Variants in HAVCR2 observed in about 807,000 individuals in gnomAD.
HAVCR2 encodes T cell immunoglobulin mucin 3.
In HAVCR2, 13 loss-of-function variants were observed where a neutral mutation model predicts 24.7. That is an observed-to-expected ratio of 0.53 (90% CI 0.34 to 0.84). HAVCR2 has a LOEUF of 0.84. Among genes scored for constraint, HAVCR2 ranks in the 40% least tolerant of loss-of-function variants. The pLI, the probability that HAVCR2 is intolerant of heterozygous loss-of-function variation, is 0.01. For synonymous variants in HAVCR2, 154 were observed against 143.4 expected (o/e 1.07, Z -0.53); for missense variants, 343 against 371.2 (o/e 0.92, Z 0.62).
chr5:157,102,261 A>G (rs1309529989), intron 3 of HAVCR2, among the ~76,000 whole-genome samples: 1 of 151,266 alleles, frequency 6.6e-6, no homozygotes, highest in Non-Finnish European at 1.5e-5. Context: ...CTTAGTAGAG[A>G]TGGGGTTTTG....
At chr5:157,107,464 G>A (rs1047424425) in intron 1 of HAVCR2, among the ~76,000 whole-genome samples, 1 of 152,156 alleles carries the variant, frequency 6.6e-6, no homozygotes, top group Admixed American at 6.5e-5. Context: ...AGCAGCAAGT[G>A]CACAGTAAAT....
At chr5:157,106,555 A>G (rs754458623) in intron 2 of HAVCR2, 72 bp downstream of exon 2, 14 of 1,330,470 alleles carry the variant, frequency 1.1e-5, no homozygotes, top group Non-Finnish European at 1.3e-5. Flanking sequence ...CAGAGATGAG[A>G]ACAATCAGTA....
chr5:157,108,848 A>G, intron 1 of HAVCR2, 78 bp downstream of exon 1: 1 of 1,383,832 alleles, frequency 7.2e-7, no homozygotes, highest in Non-Finnish European at 1.0e-6. Context: ...ACAACATTAC[A>G]ATGGCCATCC....
chr5:157,104,851 G>A (rs1010651085), intron 2 of HAVCR2, 102 bp from the exon 3 acceptor site: 3 of 786,708 alleles, frequency 3.8e-6, no homozygotes, highest in Non-Finnish European at 6.3e-6. Context: ...AGACAATTAA[G>A]AAAGAGAAAT....
chr5:157,100,050 G>A (rs940918066), intron 3 of HAVCR2, among the ~76,000 whole-genome samples: 8 of 152,170 alleles, frequency 5.3e-5, no homozygotes, highest in African/African-American at 1.9e-4. Flanking sequence ...GGGAGACAGG[G>A]TTGCCAACAA....
At position 157,106,702 on chromosome 5, in the gene HAVCR2, T is replaced by A. The variant is rs190484372; in HGVS notation, c.319A>T (p.Ile107Phe). ...IENVTLADSG[I>F]YCCRIQIPGI... ...GGGATTTGGATCCGGCAGCAGTAGA[T>A]CCCACTGTCTGCTAGAGTCACATTC... The change falls in exon 2 of 7, where the codon ATC becomes TTC. Residue 107 changes from isoleucine (I) to phenylalanine (F), a missense_variant. Ile to Phe is a conservative substitution (Grantham distance 21, BLOSUM62 0). Coordinates refer to ENST00000307851, the MANE Select transcript of HAVCR2 (RefSeq NM_032782.5). The A allele has an allele frequency of 1.5e-4, 240 of 1,614,224 alleles. 1 individual carries two copies. The Admixed American group carries it at 3.8e-3, about 26-fold the overall frequency.
chr5:157,089,660 G>A (rs904315195), intron 5 of HAVCR2, among the ~76,000 whole-genome samples: 4 of 152,140 alleles, frequency 2.6e-5, no homozygotes, highest in African/African-American at 7.2e-5. Flanking sequence ...GGTGGTCAGG[G>A]AAGGACCCTC....
intron 2 of HAVCR2, among the ~76,000 whole-genome samples, chr5:157,105,313 C>T (rs1757232078): frequency 6.6e-6 from 1 of 152,166 alleles, no homozygotes; most frequent in Admixed American, 6.5e-5. Context: ...ATCCACCCAC[C>T]TCAGCCTCCC....
Position 157,095,303 on chromosome 5 carries a change from T to TA in HAVCR2, c.676+2dup. Reference sequence around the variant, plus strand: ...AGAGGGAGAGAGAAACAAAAACACTTACATTTGAAAATTAAAGCGCCGAAG... The same window carrying TA: ...AGAGGGAGAGAGAAACAAAAACACTTAACATTTGAAAATTAAAGCGCCGAAG... On this transcript the variant is annotated splice_region_variant and intron_variant, in intron 5 of 6. Coordinates refer to ENST00000307851, the MANE Select transcript of HAVCR2 (RefSeq NM_032782.5). 6.2e-7 allele frequency: 1 copy of TA among 1,613,164 alleles called. No homozygotes were observed. Among genetic ancestry groups the TA allele is most frequent in the Non-Finnish European group, 8.5e-7 (1 of 1,179,704 alleles).
At chr5:157,089,724 A>G (rs1296413742) in intron 5 of HAVCR2, among the ~76,000 whole-genome samples, 1 of 152,158 alleles carries the variant, frequency 6.6e-6, no homozygotes, top group Admixed American at 6.5e-5. Context: ...AAAGAGCCAG[A>G]AGGAGCATTC....
At chr5:157,095,224 G>C (rs1757077290) in intron 5 of HAVCR2, 82 bp downstream of exon 5, 12 of 1,466,746 alleles carry the variant, frequency 8.2e-6, no homozygotes, top group Non-Finnish European at 9.4e-6. Context: ...GTATAAACAT[G>C]AATTTGCATT....
chr5:157,102,840 C>T (rs936063487), intron 3 of HAVCR2, among the ~76,000 whole-genome samples: 5 of 146,372 alleles, frequency 3.4e-5, no homozygotes, highest in Non-Finnish European at 7.4e-5. Flanking sequence ...GAGGCTGAGG[C>T]AGGAGAATGG....
At chr5:157,095,682 G>A (rs1193910660) in intron 4 of HAVCR2, among the ~76,000 whole-genome samples, 1 of 142,476 alleles carries the variant, frequency 7.0e-6, no homozygotes, top group Non-Finnish European at 1.5e-5. Flanking sequence ...GTGCCCTTCT[G>A]TGTTGTGGGT....
At chr5:157,098,715 T>C in intron 4 of HAVCR2, 143 bp downstream of exon 4, 1 of 725,000 alleles carries the variant, frequency 1.4e-6, no homozygotes, top group Non-Finnish European at 2.4e-6. Flanking sequence ...ACTGTCATCA[T>C]CAACATGTTA....
At chr5:157,095,788 C>T (rs982656213) in intron 4 of HAVCR2, among the ~76,000 whole-genome samples, 1 of 150,976 alleles carries the variant, frequency 6.6e-6, no homozygotes, top group African/African-American at 2.4e-5. Flanking sequence ...AGAGTGGAGT[C>T]TTGTTGGTTC....
rs755018618 is a variant in HAVCR2 at position 157,095,453 on chromosome 5, A to T, written c.529T>A (p.Ser177Thr). 3 of 1,613,970 alleles carry T rather than the reference A, an allele frequency of 1.9e-6. No homozygotes were observed. The highest frequency in any genetic ancestry group is 2.5e-6 in the Non-Finnish European group (3 of 1,179,978). ...SLPDINLTQISTLANELRDSR... is the reference protein window; with the variant it reads ...SLPDINLTQITTLANELRDSR... ...TCCCGTAACTCATTGGCCAATGTGG[A>T]TATTTGCTATGGAAACACAAACAGG... The change falls in exon 5 of 7, where the codon TCC (serine) becomes ACC (threonine). Residue 177 changes from serine (S) to threonine (T), a missense_variant. Ser to Thr is a moderately conservative substitution (Grantham distance 58). Transcript: ENST00000307851.
At chr5:157,100,440 GC>G (rs1343511779) in intron 3 of HAVCR2, among the ~76,000 whole-genome samples, 1 of 152,132 alleles carries the variant, frequency 6.6e-6, no homozygotes, top group Non-Finnish European at 1.5e-5. Flanking sequence ...TTCTTCATCT[GC>G]TGATCCATTC....
chr5:157,094,848 G>A (rs1397909485), intron 5 of HAVCR2, among the ~76,000 whole-genome samples: 1 of 152,156 alleles, frequency 6.6e-6, no homozygotes, highest in Non-Finnish European at 1.5e-5. Context: ...GTATGCCTGA[G>A]AAACCAATAA....
At position 157,086,555 on chromosome 5, in the gene HAVCR2, GGAGAATCGCTT is replaced by G. The variant is rs1756915248; in HGVS notation, c.*536_*546del. 6.5e-6 allele frequency: 1 copy of G among 152,932 alleles called. No homozygotes were observed. Among genetic ancestry groups the G allele is most frequent in the Admixed American group, 6.5e-5 (1 of 15,280 alleles). 9.5% of individuals were successfully genotyped at this position (152,932 alleles called of 1,614,324 possible). ...CCCAGCCACTCAGGAGGCTGAGGCA[GGAGAATCGCTT>G]GAACCCAGGAGGCGGAGCTTGCAGT... is the stretch of plus-strand genomic sequence containing the variant. On this transcript the variant is annotated 3_prime_UTR_variant, in exon 7 of 7. Coordinates refer to ENST00000307851, the MANE Select transcript of HAVCR2 (RefSeq NM_032782.5).
Sources: gnomAD v4.1 joint callset for allele counts (sites outside exome capture counted in the v4.1 genomes callset) on GRCh38, gnomAD v4.1.1 for gene constraint, MANE v1.5 for transcripts, NCBI Gene and HGNC (gene_info 2026-07-23, HGNC 2026-07-21) for gene names.